Variants in TCOF1 observed in about 807,000 individuals in gnomAD.
TCOF1 encodes the protein treacle ribosome biogenesis factor 1.
Under a neutral mutation model 149.0 loss-of-function variants are expected in TCOF1, and 33 were observed. That is an observed-to-expected ratio of 0.22 (90% CI 0.17 to 0.30). The LOEUF is 0.30. TCOF1 is among the 10% of genes least tolerant of loss of function. The probability of loss-of-function intolerance (pLI) is 1.00; values close to 1 mark genes in which losing one functional copy is unlikely to be tolerated. For synonymous variants in TCOF1, 789 were observed against 738.8 expected, an observed-to-expected ratio of 1.07 and a Z score of -1.10; for missense variants, 1,728 against 1,840.7, an observed-to-expected ratio of 0.94 and a Z score of 1.12.
At position 150,399,888 on chromosome 5, in the gene TCOF1, C is replaced by T. The variant is rs925779690; in HGVS notation, c.*101C>T. 2.0e-5 allele frequency: 3 copies of T among 152,342 alleles called. No individual in the cohort carries two copies. The highest frequency in any genetic ancestry group is 7.2e-5 in the African/African-American group (3 of 41,428). The allele number at this position is 152,342 out of a possible 1,614,324, so 9.4% of individuals were successfully genotyped here. A position where few individuals can be genotyped will look rare whatever the true frequency, so the allele number is the denominator to read the frequency against. On this transcript the variant is annotated 3_prime_UTR_variant, in exon 27 of 27. Transcript: ENST00000643257. Reference sequence around the variant, plus strand: ...CTGCCCACCATGGGTTGGAACTAAACTGTTACCTTCCCTCGCTCCACAGAA... The same window carrying T: ...CTGCCCACCATGGGTTGGAACTAAATTGTTACCTTCCCTCGCTCCACAGAA...
rs916057801 is a variant in TCOF1 at position 150,385,150 on chromosome 5, A to G, written c.2860-2752A>G. The G allele has an allele frequency of 3.2e-6, 3 of 924,458 alleles. No individual in the cohort carries two copies. The African/African-American group carries it at 5.4e-5, about 16-fold the overall frequency. The allele number at this position is 924,458 out of a possible 1,614,324, so 57.3% of individuals were successfully genotyped here. A position where few individuals can be genotyped will look rare whatever the true frequency, so the allele number is the denominator to read the frequency against. On this transcript the variant is annotated intron_variant, in intron 17 of 26. Coordinates refer to ENST00000643257, the MANE Select transcript of TCOF1 (RefSeq NM_001371623.1). ...AAACATCATGTTATATACCACAAAT[A>G]TATGCAGTTTCACTTGTCGGTAATA... is the stretch of plus-strand genomic sequence containing the variant.
intron 24 of TCOF1, 105 bp from the exon 25 acceptor site, chr5:150,398,249 T>C (rs1389446538): frequency 1.0e-5 from 16 of 1,586,552 alleles, no homozygotes; most frequent in Middle Eastern, 2.3e-4. Context: ...TGGCTTCTGG[T>C]GGTGTGGGGA....
chr5:150,367,238 G>T (rs553133501), intron 3 of TCOF1, among the ~76,000 whole-genome samples: 5 of 152,264 alleles, frequency 3.3e-5, no homozygotes, highest in Non-Finnish European at 5.9e-5. Flanking sequence ...CCAGGAGGCG[G>T]AGCTTGCAGT....
At chr5:150,396,142 G>A in intron 23 of TCOF1, 140 bp from the exon 24 acceptor site, 2 of 940,650 alleles carry the variant, frequency 2.1e-6, no homozygotes, top group Non-Finnish European at 3.4e-6. Context: ...GGGGCAGAGT[G>A]ACCGCCAAGC....
intron 3 of TCOF1, among the ~76,000 whole-genome samples, chr5:150,366,420 G>A (rs1295031625): frequency 2.6e-5 from 4 of 152,204 alleles, no homozygotes; most frequent in Non-Finnish European, 5.9e-5. Flanking sequence ...AACGTGGTAG[G>A]ATCTATGGCA....
chr5:150,384,783 A>C, intron 17 of TCOF1: 1 of 985,462 alleles, frequency 1.0e-6, no homozygotes, highest in Non-Finnish European at 1.2e-6. Context: ...TGATTGAGAG[A>C]TTTTTAGTTC....
chr5:150,384,509 C>G (rs1765873249), intron 17 of TCOF1: 2 of 985,360 alleles, frequency 2.0e-6, no homozygotes, highest in South Asian at 4.7e-5. Flanking sequence ...CCCTCTGGCT[C>G]TGTGTGGAGC....
intron 14 of TCOF1, among the ~76,000 whole-genome samples, chr5:150,377,251 A>G (rs1764021935): frequency 6.6e-6 from 1 of 152,220 alleles, no homozygotes; most frequent in Non-Finnish European, 1.5e-5. Flanking sequence ...TTTCAGCTCC[A>G]CAGCCTGGCA....
chr5:150,384,426 G>A, intron 17 of TCOF1: 2 of 985,456 alleles, frequency 2.0e-6, no homozygotes, highest in Non-Finnish European at 2.4e-6. Context: ...TGGTGTTTGA[G>A]CACAGGCCAT....
intron 17 of TCOF1, chr5:150,383,839 C>T: frequency 6.4e-7 from 1 of 1,551,230 alleles, no homozygotes; most frequent in Non-Finnish European, 8.7e-7. Flanking sequence ...GCTTAAGCCA[C>T]AGTCCTGCTC....
chr5:150,367,765 A>G, intron 3 of TCOF1, 79 bp from the exon 4 acceptor site: 2 of 1,517,976 alleles, frequency 1.3e-6, no homozygotes, highest in Middle Eastern at 1.7e-4. Flanking sequence ...TAGAATTGTT[A>G]GGTGAGATGA....
chr5:150,367,148 A>T (rs1761541648), intron 3 of TCOF1, among the ~76,000 whole-genome samples: 1 of 151,996 alleles, frequency 6.6e-6, no homozygotes, highest in Non-Finnish European at 1.5e-5. Context: ...TATTAAAAAT[A>T]CAAAAAATTA....
chr5:150,383,169 C>G (rs1241721075), intron 17 of TCOF1: 1 of 1,535,166 alleles, frequency 6.5e-7, no homozygotes, highest in Admixed American at 2.0e-5. Context: ...TGCCACTGAC[C>G]CAGGTGCGCC....
intron 22 of TCOF1, 77 bp downstream of exon 22, chr5:150,392,867 C>A: frequency 1.3e-6 from 2 of 1,532,226 alleles, no homozygotes; most frequent in Non-Finnish European, 1.8e-6. Context: ...CTACCCGATC[C>A]CTCAGGTCAG....
At chr5:150,360,220 G>A (rs1380099132) in intron 1 of TCOF1, among the ~76,000 whole-genome samples, 3 of 152,208 alleles carry the variant, frequency 2.0e-5, no homozygotes, top group Non-Finnish European at 2.9e-5. Context: ...AAGACGTGAC[G>A]AGATTAGTTC....
intron 18 of TCOF1, among the ~76,000 whole-genome samples, chr5:150,389,290 C>T (rs769211533): frequency 9.9e-5 from 15 of 152,188 alleles, no homozygotes; most frequent in Non-Finnish European, 1.6e-4. Flanking sequence ...CAAGACCATA[C>T]TGTATCTAAT....
chr5:150,371,994 C>G lies in TCOF1; in HGVS notation c.640-12C>G. ...TTATTATTCATTTTCTAATTCCATC[C>G]TCTTGTTCCAGGGGAAACCCTCAGT... On this transcript the variant is annotated splice_polypyrimidine_tract_variant and intron_variant, in intron 6 of 26. Transcript: ENST00000643257. 6.2e-7 allele frequency: 1 copy of G among 1,608,210 alleles called. No individual in the cohort carries two copies. The highest frequency in any genetic ancestry group is 8.5e-7 in the Non-Finnish European group (1 of 1,174,602).
intron 19 of TCOF1, 25 bp from the exon 20 acceptor site, chr5:150,391,519 G>A (rs1048588187): frequency 8.8e-6 from 14 of 1,597,720 alleles, no homozygotes; most frequent in Non-Finnish European, 1.1e-5. Context: ...TTGTGAGTCT[G>A]AGGGCTACCT....
intron 23 of TCOF1, 122 bp downstream of exon 23, chr5:150,393,674 C>T: frequency 7.6e-7 from 1 of 1,316,238 alleles, no homozygotes; most frequent in South Asian, 1.3e-5. Flanking sequence ...AGAGCCTCTC[C>T]AAGTGAGACC....
Sources: gnomAD v4.1 joint callset for allele counts (sites outside exome capture counted in the v4.1 genomes callset) on GRCh38, gnomAD v4.1.1 for gene constraint, MANE v1.5 for transcripts, NCBI Gene and HGNC (gene_info 2026-07-23, HGNC 2026-07-21) for gene names.